KCND2: variants seen among roughly 807,000 people sequenced by gnomAD.
KCND2 encodes A-type voltage-gated potassium channel KCND2.
KCND2 carries 16 observed loss-of-function variants against 54.4 expected under a neutral mutation model. The ratio of observed to expected loss-of-function variants is 0.29; its 90% CI spans 0.20 to 0.45. KCND2 has a LOEUF of 0.45. KCND2 is among the 20% of genes least tolerant of loss of function. KCND2 has a pLI of 1.00. For missense variants in KCND2, 486 were observed against 824.2 expected (o/e 0.59, Z 5.02); for synonymous variants, 317 against 310.7 (o/e 1.02, Z -0.21).
At position 120,704,084 on chromosome 7, in the gene KCND2, A is replaced by C. The variant is rs564773829; in HGVS notation, c.1116-28819A>C. Among the ~76,000 whole-genome samples the C allele has an allele frequency of 1.9e-4, 29 of 152,306 alleles. No individual in the cohort carries two copies. The South Asian group carries it at 2.3e-3, about 12-fold the overall frequency. On this transcript the variant is annotated intron_variant, in intron 1 of 5. Transcript: ENST00000331113. ...TTATATTCATTTTATCTCACATAATAATGACTATTGGCCAAACACTATCCA... is the reference window on the plus strand; with the variant it reads ...TTATATTCATTTTATCTCACATAATCATGACTATTGGCCAAACACTATCCA...
At chr7:120,429,373 A>G (rs1801759394) in intron 1 of KCND2, among the ~76,000 whole-genome samples, 1 of 152,218 alleles carries the variant, frequency 6.6e-6, no homozygotes, top group African/African-American at 2.4e-5. Flanking sequence ...TAAAGAAGTA[A>G]ATTACTAATT....
At chr7:120,475,752 G>A (rs572732086) in intron 1 of KCND2, among the ~76,000 whole-genome samples, 27 of 152,112 alleles carry the variant, frequency 1.8e-4, no homozygotes, top group Non-Finnish European at 3.7e-4. Context: ...AAAATTAATT[G>A]TGCCCATATA....
At chr7:120,451,143 C>T (rs12531000) in intron 1 of KCND2, among the ~76,000 whole-genome samples, 25,838 of 152,044 alleles carry the variant, frequency 0.17, 2,843 homozygotes, top group East Asian at 0.56. Context: ...CCTGAGTTTT[C>T]CACTGCTGCA....
intron 1 of KCND2, among the ~76,000 whole-genome samples, chr7:120,530,543 C>T (rs112381648): frequency 1.1e-4 from 16 of 152,250 alleles, no homozygotes; most frequent in African/African-American, 3.6e-4. Context: ...TTTCATAATT[C>T]TCGGGTAGCT....
chr7:120,672,230 G>GC (rs1792001231), intron 1 of KCND2, among the ~76,000 whole-genome samples: 1 of 149,816 alleles, frequency 6.7e-6, no homozygotes, highest in Non-Finnish European at 1.5e-5. Context: ...CTTCCTGACA[G>GC]AAAAAAAAAT....
intron 1 of KCND2, 86 bp from the exon 2 acceptor site, chr7:120,732,817 G>T: frequency 2.7e-6 from 3 of 1,107,896 alleles, no homozygotes; most frequent in South Asian, 2.8e-5. Flanking sequence ...AAAATCATTT[G>T]ACTTAAAGGA....
chr7:120,714,514 G>T lies in KCND2; in HGVS notation c.1116-18389G>T, dbSNP rs145614882. 3.8e-3 allele frequency among the ~76,000 whole-genome samples: 585 copies of T among 152,104 alleles called. 3 individuals are homozygous for T. Among genetic ancestry groups the T allele is most frequent in the African/African-American group, 0.013 (537 of 41,524 alleles). On this transcript the variant is annotated intron_variant, in intron 1 of 5. Coordinates refer to ENST00000331113, the MANE Select transcript of KCND2 (RefSeq NM_012281.3). ...ACAACAAATCTTTGCACTTTTTTCA[G>T]CAGTGTATATTAATTTAGAATAATA...
chr7:120,288,671 G>A (rs895165704), intron 1 of KCND2, among the ~76,000 whole-genome samples: 5 of 152,106 alleles, frequency 3.3e-5, no homozygotes, highest in Non-Finnish European at 7.4e-5. Context: ...GCTGATTGAA[G>A]ATTAATATGG....
chr7:120,374,295 C>T (rs1215831263), intron 1 of KCND2, among the ~76,000 whole-genome samples: 2 of 151,636 alleles, frequency 1.3e-5, no homozygotes, highest in Admixed American at 6.6e-5. Context: ...ATATTCAAGT[C>T]CGAAAGTTAT....
At chr7:120,428,018 G>A (rs1801737621) in intron 1 of KCND2, among the ~76,000 whole-genome samples, 1 of 152,066 alleles carries the variant, frequency 6.6e-6, no homozygotes, top group Non-Finnish European at 1.5e-5. Context: ...AAAGTTTGGG[G>A]AATAGGAAAA....
chr7:120,316,361 A>G (rs1224921838), intron 1 of KCND2, among the ~76,000 whole-genome samples: 1 of 152,192 alleles, frequency 6.6e-6, no homozygotes, highest in Non-Finnish European at 1.5e-5. Flanking sequence ...CATTCTTATC[A>G]CTGCTTCTGT....
At chr7:120,572,145 G>A (rs1219830943) in intron 1 of KCND2, among the ~76,000 whole-genome samples, 1 of 151,188 alleles carries the variant, frequency 6.6e-6, no homozygotes, top group East Asian at 1.9e-4. Flanking sequence ...GATGGAGCTA[G>A]TGCTTGCCTT....
chr7:120,466,233 A>G (rs951954164), intron 1 of KCND2, among the ~76,000 whole-genome samples: 3 of 152,302 alleles, frequency 2.0e-5, no homozygotes, highest in African/African-American at 7.2e-5. Flanking sequence ...ATAATACCAC[A>G]GTTAGCAGAG....
intron 1 of KCND2, among the ~76,000 whole-genome samples, chr7:120,566,973 T>TA (rs759196981): frequency 9.9e-5 from 15 of 152,082 alleles, no homozygotes; most frequent in Admixed American, 2.0e-4. Flanking sequence ...TGAATGCTTT[T>TA]AAAAAACAGC....
At chr7:120,290,370 T>C (rs1256210426) in intron 1 of KCND2, among the ~76,000 whole-genome samples, 1 of 152,030 alleles carries the variant, frequency 6.6e-6, no homozygotes, top group African/African-American at 2.4e-5. Flanking sequence ...ACTTAGAATT[T>C]TGAGACCTTT....
chr7:120,313,057 G>C (rs1175968605), intron 1 of KCND2, among the ~76,000 whole-genome samples: 1 of 152,198 alleles, frequency 6.6e-6, no homozygotes, highest in African/African-American at 2.4e-5. Context: ...TACGTAGGGA[G>C]TCTGTTGATC....
At chr7:120,619,013 C>G (rs947327917) in intron 1 of KCND2, among the ~76,000 whole-genome samples, 3 of 152,162 alleles carry the variant, frequency 2.0e-5, no homozygotes, top group Middle Eastern at 3.4e-3. Flanking sequence ...CTAAGTAATT[C>G]TAGAAGTTGC....
intron 1 of KCND2, among the ~76,000 whole-genome samples, chr7:120,636,630 G>A (rs1793307697): frequency 1.3e-5 from 2 of 152,150 alleles, no homozygotes; most frequent in South Asian, 2.1e-4. Flanking sequence ...ACTATGAAGA[G>A]ATTGGGTTCC....
chr7:120,409,132 T>C (rs767165014), intron 1 of KCND2, among the ~76,000 whole-genome samples: 1 of 151,936 alleles, frequency 6.6e-6, no homozygotes, highest in African/African-American at 2.4e-5. Flanking sequence ...AACAGAATGC[T>C]GCTGGGAAAT....
Sources: allele counts gnomAD v4.1 joint callset (sites outside exome capture counted in the v4.1 genomes callset), GRCh38; gene constraint gnomAD v4.1.1; transcripts MANE v1.5; gene names NCBI Gene and HGNC (gene_info 2026-07-23, HGNC 2026-07-21).